Variants in SLC22A15 observed in about 807,000 individuals in gnomAD.
The protein encoded by SLC22A15 is solute carrier family 22 member 15.
Under a neutral mutation model 62.7 loss-of-function variants are expected in SLC22A15, and 45 were observed. The ratio of observed to expected loss-of-function variants is 0.72; its 90% CI spans 0.56 to 0.92. The LOEUF is 0.92. SLC22A15 is among the 40% of genes least tolerant of loss of function. The probability of loss-of-function intolerance (pLI) is 0.00; values close to 1 mark genes in which losing one functional copy is unlikely to be tolerated. For synonymous variants in SLC22A15, 264 were observed against 267.0 expected (o/e 0.99, Z 0.11); for missense variants, 622 against 665.6 (o/e 0.93, Z 0.72).
intron 1 of SLC22A15, among the ~76,000 whole-genome samples, chr1:115,980,739 G>C (rs138180219): frequency 8.3e-4 from 126 of 151,938 alleles, no homozygotes; most frequent in African/African-American, 2.8e-3. Context: ...AAGGGAAGGG[G>C]TGGGCTTAGG....
At chr1:115,983,914 C>T (rs1010989775) in intron 1 of SLC22A15, among the ~76,000 whole-genome samples, 1 of 152,168 alleles carries the variant, frequency 6.6e-6, no homozygotes, top group Non-Finnish European at 1.5e-5. Context: ...TCACCCCTCT[C>T]CCAAATCTAG....
chr1:115,976,794 C>T, intron 1 of SLC22A15, 80 bp downstream of exon 1: 1 of 1,098,682 alleles, frequency 9.1e-7, no homozygotes, highest in Non-Finnish European at 1.3e-6. Flanking sequence ...TCCCAGACCG[C>T]CGGGGCCGGG....
At chr1:115,984,319 A>G (rs1312404290) in intron 1 of SLC22A15, among the ~76,000 whole-genome samples, 5 of 152,156 alleles carry the variant, frequency 3.3e-5, no homozygotes, top group Admixed American at 1.3e-4. Flanking sequence ...AGCCTTTACT[A>G]CCTGCTCAAG....
In SLC22A15 at chr1:116,042,441, A is replaced by T. The variant is rs376735824; in HGVS notation, c.1171+5053A>T. On this transcript the variant is annotated intron_variant, in intron 8 of 11. Coordinates refer to ENST00000369503, the MANE Select transcript of SLC22A15 (RefSeq NM_018420.3). Reference sequence around the variant, plus strand: ...GATCAGTTAAAGACATAAAAAAACTATACAACATGAAACAAAAAAATTGAA... The same window carrying T: ...GATCAGTTAAAGACATAAAAAAACTTTACAACATGAAACAAAAAAATTGAA... Among the ~76,000 whole-genome samples the T allele has an allele frequency of 5.3e-5, 8 of 152,214 alleles. No homozygotes were observed. In the East Asian group the frequency reaches 9.7e-4, roughly 18 times the overall value.
chr1:116,052,815 A>G (rs1570769973), intron 8 of SLC22A15, among the ~76,000 whole-genome samples: 1 of 152,208 alleles, frequency 6.6e-6, no homozygotes. Context: ...GTGGACCTCT[A>G]GCAAACTCCA....
At chr1:115,978,048 AATG>A (rs1445932259) in intron 1 of SLC22A15, among the ~76,000 whole-genome samples, 1 of 152,208 alleles carries the variant, frequency 6.6e-6, no homozygotes, top group African/African-American at 2.4e-5. Flanking sequence ...GTTCAAGCTA[AATG>A]ATAAGAGTAT....
intron 8 of SLC22A15, among the ~76,000 whole-genome samples, chr1:116,044,665 T>G (rs568576912): frequency 2.6e-5 from 4 of 152,268 alleles, no homozygotes; most frequent in African/African-American, 9.6e-5. Flanking sequence ...AAAAAAGAAA[T>G]CTGTAAGAAT....
At chr1:116,066,974 T>C in intron 11 of SLC22A15, 45 bp from the exon 12 acceptor site, 1 of 1,469,988 alleles carries the variant, frequency 6.8e-7, no homozygotes, top group African/African-American at 1.4e-5. Flanking sequence ...ATTTCAGAAA[T>C]GTCATAACAT....
chr1:116,035,059 C>T, intron 6 of SLC22A15, 128 bp from the exon 7 acceptor site: 1 of 983,732 alleles, frequency 1.0e-6, no homozygotes, highest in Non-Finnish European at 1.4e-6. Context: ...GAGAGACAAG[C>T]TTATTGCTTA....
intron 2 of SLC22A15, among the ~76,000 whole-genome samples, chr1:116,012,113 T>C (rs536832653): frequency 1.6e-4 from 24 of 152,346 alleles, no homozygotes; most frequent in African/African-American, 5.1e-4. Context: ...TAGAGTGGTT[T>C]GTGATTATAG....
At chr1:116,037,527 G>T (rs905797854) in intron 8 of SLC22A15, 139 bp downstream of exon 8, 1 of 669,922 alleles carries the variant, frequency 1.5e-6, no homozygotes, top group Non-Finnish European at 2.6e-6. Context: ...GATATAATGG[G>T]CCAGATTCTT....
chr1:115,994,365 C>G (rs1557875380), intron 2 of SLC22A15, among the ~76,000 whole-genome samples: 1 of 152,070 alleles, frequency 6.6e-6, no homozygotes, highest in Non-Finnish European at 1.5e-5. Context: ...AATGGAGACC[C>G]CTTGAGGTCA....
chr1:116,039,158 G>A (rs1345896217), intron 8 of SLC22A15, among the ~76,000 whole-genome samples: 1 of 152,168 alleles, frequency 6.6e-6, no homozygotes. Flanking sequence ...GCGTAGCAGA[G>A]TATCTTTGGC....
chr1:116,006,636 A>G (rs114181934), intron 2 of SLC22A15, among the ~76,000 whole-genome samples: 2,056 of 151,744 alleles, frequency 0.014, 23 homozygotes, highest in Non-Finnish European at 0.019. Flanking sequence ...GTCTTTGTCA[A>G]TCTGTATCTC....
At chr1:116,059,124 A>G (rs563685629) in intron 8 of SLC22A15, among the ~76,000 whole-genome samples, 1 of 152,296 alleles carries the variant, frequency 6.6e-6, no homozygotes, top group East Asian at 1.9e-4. Flanking sequence ...AAAAATAAAA[A>G]TGAAACCACA....
At chr1:116,063,422 T>C (rs962161565) in intron 9 of SLC22A15, among the ~76,000 whole-genome samples, 1 of 152,218 alleles carries the variant, frequency 6.6e-6, no homozygotes, top group Admixed American at 6.5e-5. Context: ...AAAATAAGTC[T>C]GAAAGCAAGA....
chr1:116,020,242 C>A (rs1464635156), intron 3 of SLC22A15, among the ~76,000 whole-genome samples: 1 of 138,034 alleles, frequency 7.2e-6, no homozygotes, highest in Non-Finnish European at 1.6e-5. Flanking sequence ...CCAAGAGAAG[C>A]TGTTAAAAAA....
chr1:116,039,846 CT>C (rs1657734216), intron 8 of SLC22A15, among the ~76,000 whole-genome samples: 1 of 152,098 alleles, frequency 6.6e-6, no homozygotes, highest in African/African-American at 2.4e-5. Context: ...ATTTTGTTGA[CT>C]TTTTTTTATC....
chr1:115,976,620 G>C lies in SLC22A15; in HGVS notation c.-8G>C. On this transcript the variant is annotated 5_prime_UTR_variant, in exon 1 of 12. Coordinates refer to ENST00000369503, the MANE Select transcript of SLC22A15 (RefSeq NM_018420.3). ...GTGGGGTGGCGGGGTTCCTGCGCGC[G>C]GCCCGCCATGGAGGTGGAGGAGGCG... 6.4e-7 allele frequency: 1 copy of C among 1,567,426 alleles called. No homozygotes were observed. The highest frequency in any genetic ancestry group is 1.4e-5 in the African/African-American group (1 of 71,454).
Sources: gnomAD v4.1 joint callset for allele counts (sites outside exome capture counted in the v4.1 genomes callset) on GRCh38, gnomAD v4.1.1 for gene constraint, MANE v1.5 for transcripts, NCBI Gene and HGNC (gene_info 2026-07-23, HGNC 2026-07-21) for gene names.